PPP2R2D: variants seen among roughly 807,000 people sequenced by gnomAD.
PPP2R2D encodes serine/threonine-protein phosphatase 2A 55 kDa regulatory subunit B delta isoform.
A neutral mutation model predicts 31.1 loss-of-function variants in PPP2R2D; 9 were observed. That is an observed-to-expected ratio of 0.29 (90% CI 0.17 to 0.51). The LOEUF (loss-of-function observed/expected upper bound fraction) is 0.51, where lower values mean the gene tolerates loss of function less well. PPP2R2D is among the 20% of genes least tolerant of loss of function. The pLI, the probability that PPP2R2D is intolerant of heterozygous loss-of-function variation, is 0.98. For missense variants in PPP2R2D, 391 were observed against 465.6 expected (o/e 0.84, Z 1.48); for synonymous variants, 179 against 172.6 (o/e 1.04, Z -0.29).
chr10:131,944,121 T>G lies in PPP2R2D; in HGVS notation c.631T>G (p.Leu211Val). Residue 211 changes from leucine to valine, a missense_variant, in exon 6 of 9, where the codon TTA becomes GTA. Physicochemically the swap from Leu to Val is conservative, Grantham distance 32 (BLOSUM62 1). Coordinates refer to ENST00000455566, the MANE Select transcript of PPP2R2D (RefSeq NM_018461.5). Reference protein sequence around the residue: ...ADDLRINLWHLEITDRSFNIV... With the variant: ...ADDLRINLWHVEITDRSFNIV... The stretch of plus-strand genomic sequence containing the variant: ...TGACCTGAGAATTAATTTATGGCAC[T>G]TAGAAATCACAGATAGAAGCTTTAG... 1 of 1,612,306 alleles carries G rather than the reference T, an allele frequency of 6.2e-7. No homozygotes were observed. Among genetic ancestry groups the G allele is most frequent in the Non-Finnish European group, 8.5e-7 (1 of 1,179,082 alleles).
intron 3 of PPP2R2D, among the ~76,000 whole-genome samples, chr10:131,939,044 C>G (rs1204461976): frequency 1.3e-5 from 2 of 152,272 alleles, no homozygotes; most frequent in African/African-American, 4.8e-5. Flanking sequence ...ATGGGCCTGA[C>G]TGTGTTCCAC....
At position 131,943,958 on chromosome 10, in the gene PPP2R2D, C is replaced by T; in HGVS notation, c.478-10C>T. 2.4e-6 allele frequency: 2 copies of T among 823,070 alleles called. No individual in the cohort carries two copies. The highest frequency in any genetic ancestry group is 2.7e-5 in the South Asian group (2 of 73,700). 51.0% of individuals were successfully genotyped at this position (823,070 alleles called of 1,614,324 possible). ...CTTTGTTTTGAATTCCTATTTCCTT[C>T]CATTTTTAGGTCCCAATATTGAAGC... On this transcript the variant is annotated splice_polypyrimidine_tract_variant and intron_variant, in intron 5 of 8. Coordinates refer to ENST00000455566, the MANE Select transcript of PPP2R2D (RefSeq NM_018461.5).
At chr10:131,931,941 C>G (rs890973680) in intron 2 of PPP2R2D, among the ~76,000 whole-genome samples, 8 of 151,756 alleles carry the variant, frequency 5.3e-5, no homozygotes, top group African/African-American at 1.9e-4. Context: ...ACCTGGGGAC[C>G]AAGCAGCTCT....
At chr10:131,923,705 A>T (rs944085431) in intron 2 of PPP2R2D, among the ~76,000 whole-genome samples, 69 of 152,196 alleles carry the variant, frequency 4.5e-4, no homozygotes, top group African/African-American at 1.7e-3. Context: ...TCCTGTGCTT[A>T]TTTGGACATT....
intron 2 of PPP2R2D, among the ~76,000 whole-genome samples, chr10:131,903,009 C>T (rs1433647826): frequency 6.6e-6 from 1 of 152,024 alleles, no homozygotes; most frequent in Non-Finnish European, 1.5e-5. Context: ...ACGTCAGTCT[C>T]CCAAGGTGCT....
chr10:131,914,609 T>A (rs1281015581), intron 2 of PPP2R2D, among the ~76,000 whole-genome samples: 1 of 152,164 alleles, frequency 6.6e-6, no homozygotes, highest in African/African-American at 2.4e-5. Flanking sequence ...GTGAGGCGGT[T>A]ACATGTGTTA....
At chr10:131,912,865 T>C (rs1010883776) in intron 2 of PPP2R2D, among the ~76,000 whole-genome samples, 2 of 152,242 alleles carry the variant, frequency 1.3e-5, no homozygotes, top group Non-Finnish European at 2.9e-5. Context: ...CGTCCATCCT[T>C]CTGCCCTTCC....
downstream of PPP2R2D, among the ~76,000 whole-genome samples, chr10:131,960,124 G>A (rs2036901903): frequency 6.6e-6 from 1 of 152,268 alleles, no homozygotes; most frequent in Admixed American, 6.5e-5. Context: ...CAGTCTTGAT[G>A]TTCTGAGAGG....
intron 2 of PPP2R2D, among the ~76,000 whole-genome samples, chr10:131,921,685 G>A (rs145149748): frequency 2.0e-5 from 3 of 152,276 alleles, no homozygotes; most frequent in African/African-American, 4.8e-5. Context: ...TGCAGTGTGC[G>A]GAGGTGGGCT....
intron 7 of PPP2R2D, chr10:131,946,061 T>C (rs980378200): frequency 2.6e-5 from 4 of 152,000 alleles, no homozygotes; most frequent in Admixed American, 6.6e-5. Context: ...GAGCCACCCG[T>C]TGCCTCTGCC....
Position 131,956,410 on chromosome 10 carries a change from A to C in PPP2R2D, c.*447A>C. 1.0e-6 allele frequency: 1 copy of C among 985,946 alleles called. No individual in the cohort carries two copies. Among genetic ancestry groups the C allele is most frequent in the Non-Finnish European group, 1.2e-6 (1 of 830,348 alleles). The allele number at this position is 985,946 out of a possible 1,614,324, so 61.1% of individuals were successfully genotyped here. On this transcript the variant is annotated 3_prime_UTR_variant, in exon 9 of 9. Transcript: ENST00000455566. ...TCCGTGTCCTCTCGGCCTTCCTCCG[A>C]GTCCAGGTGGACTCTGTGGATGTGT...
At chr10:131,934,913 G>A (rs545518341) in intron 3 of PPP2R2D, 16 of 458,244 alleles carry the variant, frequency 3.5e-5, no homozygotes, top group Admixed American at 2.3e-4. Context: ...CAGCCCCGCC[G>A]TCCTGCCCTG....
intron 2 of PPP2R2D, among the ~76,000 whole-genome samples, chr10:131,914,973 TGC>T (rs1254326776): frequency 6.6e-6 from 1 of 152,196 alleles, no homozygotes; most frequent in Non-Finnish European, 1.5e-5. Flanking sequence ...TTTCTCTCCG[TGC>T]ACCCCTAATA....
chr10:131,935,644 A>T (rs1414749661), intron 3 of PPP2R2D, among the ~76,000 whole-genome samples: 2 of 152,164 alleles, frequency 1.3e-5, no homozygotes, highest in African/African-American at 4.8e-5. Flanking sequence ...GTTTTCTCTG[A>T]TTTGGGATGG....
the PPP2R2D span, chr10:131,970,805 G>A: frequency 5.0e-6 from 8 of 1,614,106 alleles, no homozygotes; most frequent in South Asian, 2.2e-5. This position sits in a 1 kb window ranked among gnomAD's most constrained non-coding sequence, Gnocchi z 4.1. Context: ...GGGAAGAAAC[G>A]TGTCAGCTGA....
Position 131,945,760 on chromosome 10 carries a change from G to T in PPP2R2D, c.820+301G>T. On this transcript the variant is annotated intron_variant, in intron 7 of 8. Transcript: ENST00000455566. The surrounding 1 kb of genome is among the most constrained non-coding windows in gnomAD (Gnocchi z 4.8). ...GTCACCGCACCTGGTCACGCCTGGC[G>T]TCTTTTAAAGCATCTCATTTAGAGC... 10 of 293,822 alleles carry T rather than the reference G, an allele frequency of 3.4e-5. 1 individual carries two copies. The South Asian group carries it at 6.5e-4, about 19-fold the overall frequency. 18.2% of individuals were successfully genotyped at this position (293,822 alleles called of 1,614,324 possible). A position where few individuals can be genotyped will look rare whatever the true frequency, so the allele number is the denominator to read the frequency against.
chr10:131,956,719 C>A lies in PPP2R2D; in HGVS notation c.*756C>A. On this transcript the variant is annotated 3_prime_UTR_variant, in exon 9 of 9. Coordinates refer to ENST00000455566, the MANE Select transcript of PPP2R2D (RefSeq NM_018461.5). Reference sequence around the variant, plus strand: ...GCCCGCTGTGTTTCTGTAGAAGTAGCCCATCAGATACACCAGGTAAGGTCT... The same window carrying A: ...GCCCGCTGTGTTTCTGTAGAAGTAGACCATCAGATACACCAGGTAAGGTCT... 6.2e-6 allele frequency: 2 copies of A among 323,840 alleles called. No homozygotes were observed. The highest frequency in any genetic ancestry group is 8.9e-6 in the Non-Finnish European group (2 of 225,088). 20.1% of individuals were successfully genotyped at this position (323,840 alleles called of 1,614,324 possible).
At chr10:131,960,607 A>G (rs566304171), downstream of PPP2R2D, among the ~76,000 whole-genome samples, 11 of 152,240 alleles carry the variant, frequency 7.2e-5, no homozygotes, top group Admixed American at 2.0e-4. Flanking sequence ...GCCCAGTGCC[A>G]TGGGATTGGT....
chr10:131,955,861 C>T lies in PPP2R2D; in HGVS notation c.1260C>T (p.Asp420=). 5 of 1,610,686 alleles carry T rather than the reference C, an allele frequency of 3.1e-6. No homozygotes were observed. Among genetic ancestry groups the T allele is most frequent in the Non-Finnish European group, 3.4e-6 (4 of 1,178,256 alleles). The change falls in exon 9 of 9, where the codon GAC becomes GAT. Residue 420 remains aspartate, a synonymous_variant. Transcript: ENST00000455566. ...ACGAGATCAGTGTGGACAGTCTGGA[C>T]TTCAACAAGAAGATCCTGCACACAG... The part of the protein sequence containing the change: ...RKDEISVDSL[D]FNKKILHTAW...
Sources: gnomAD v4.1 joint callset for allele counts (sites outside exome capture counted in the v4.1 genomes callset) on GRCh38, gnomAD v4.1.1 for gene constraint, Gnocchi (gnomAD v3.1) non-coding constraint, MANE v1.5 for transcripts, NCBI Gene and HGNC (gene_info 2026-07-23, HGNC 2026-07-21) for gene names.